ATP2C2: variants seen among roughly 807,000 people sequenced by gnomAD.
The protein encoded by ATP2C2 is ATPase secretory pathway Ca2+ transporting 2, also known as calcium-transporting ATPase type 2C member 2.
ATP2C2 carries 171 observed loss-of-function variants against 110.8 expected under a neutral mutation model. The observed-to-expected ratio is 1.54, with a 90% CI of 1.36 to 1.75. The LOEUF (loss-of-function observed/expected upper bound fraction) is 1.75, where lower values mean the gene tolerates loss of function less well. ATP2C2 is among the 40% of genes most tolerant of loss of function. The probability of loss-of-function intolerance (pLI) is 0.00; values close to 1 mark genes in which losing one functional copy is unlikely to be tolerated. For synonymous variants in ATP2C2, 804 were observed against 508.4 expected (o/e 1.58, Z -7.82); for missense variants, 1,963 against 1,235.0 (o/e 1.59, Z -8.84).
At chr16:84,386,197 T>G (rs574974600) in intron 1 of ATP2C2, among the ~76,000 whole-genome samples, 3 of 152,322 alleles carry the variant, frequency 2.0e-5, no homozygotes, top group African/African-American at 7.2e-5. Flanking sequence ...AAGCAAGATC[T>G]GGTAGTATGT....
chr16:84,419,592 G>A (rs975669026), intron 7 of ATP2C2, among the ~76,000 whole-genome samples: 4 of 152,044 alleles, frequency 2.6e-5, no homozygotes, highest in Non-Finnish European at 4.4e-5. Flanking sequence ...GCAGGGGGAC[G>A]TTACTCAGCA....
intron 9 of ATP2C2, 84 bp downstream of exon 9, chr16:84,422,781 C>T: frequency 2.2e-6 from 3 of 1,362,156 alleles, no homozygotes; most frequent in East Asian, 2.3e-5. Context: ...CTTGCCTACT[C>T]CTTAGGAATG....
At chr16:84,453,502 C>A in intron 20 of ATP2C2, 131 bp downstream of exon 20, 3 of 1,255,510 alleles carry the variant, frequency 2.4e-6, no homozygotes, top group Middle Eastern at 2.4e-4. Context: ...AGGTCCAGGG[C>A]AGCTGCCCCG....
intron 1 of ATP2C2, among the ~76,000 whole-genome samples, chr16:84,385,957 T>A (rs1904313292): frequency 6.6e-6 from 1 of 152,250 alleles, no homozygotes; most frequent in Non-Finnish European, 1.5e-5. Flanking sequence ...CTATGATTTG[T>A]TACTATCAAT....
intron 2 of ATP2C2, among the ~76,000 whole-genome samples, chr16:84,401,563 C>T (rs528738333): frequency 6.6e-6 from 1 of 152,168 alleles, no homozygotes; most frequent in Non-Finnish European, 1.5e-5. Flanking sequence ...TTTTGTTTTC[C>T]TGGTACCATT....
chr16:84,393,734 G>A (rs914469901), intron 1 of ATP2C2, among the ~76,000 whole-genome samples: 4 of 150,914 alleles, frequency 2.7e-5, no homozygotes, highest in African/African-American at 9.8e-5. Flanking sequence ...TGGATGGGAG[G>A]CTATGGGTGT....
intron 11 of ATP2C2, among the ~76,000 whole-genome samples, chr16:84,431,168 C>T (rs1201528565): frequency 1.3e-5 from 2 of 152,068 alleles, no homozygotes; most frequent in Non-Finnish European, 2.9e-5. Flanking sequence ...CTTATGAGTG[C>T]TACAAAGGAA....
chr16:84,430,675 C>T (rs1036222194), intron 11 of ATP2C2, among the ~76,000 whole-genome samples: 1 of 148,502 alleles, frequency 6.7e-6, no homozygotes, highest in African/African-American at 2.5e-5. Flanking sequence ...CTAGAATCTT[C>T]AAGGAATTGA....
chr16:84,370,539 C>T (rs1445840152), intron 1 of ATP2C2, among the ~76,000 whole-genome samples: 3 of 152,122 alleles, frequency 2.0e-5, no homozygotes, highest in African/African-American at 7.2e-5. Flanking sequence ...GCACTCACTT[C>T]CTGCCAGGTT....
chr16:84,401,246 C>T (rs1021426106), intron 2 of ATP2C2, among the ~76,000 whole-genome samples: 2 of 96,818 alleles, frequency 2.1e-5, no homozygotes, highest in Non-Finnish European at 4.0e-5. Flanking sequence ...TTTTTTGAGA[C>T]AGGGTCTCAC....
chr16:84,426,041 C>G (rs1429096570), intron 11 of ATP2C2: 4 of 424,600 alleles, frequency 9.4e-6, no homozygotes, highest in East Asian at 3.6e-5. Context: ...TTAGGCTGTT[C>G]TTGCATTGCT....
intron 7 of ATP2C2, among the ~76,000 whole-genome samples, chr16:84,419,065 C>T (rs1341962551): frequency 4.0e-5 from 6 of 151,798 alleles, no homozygotes; most frequent in South Asian, 4.2e-4. Flanking sequence ...AAAAATTAGC[C>T]AGGCGTGGTG....
intron 2 of ATP2C2, among the ~76,000 whole-genome samples, chr16:84,401,647 T>C (rs1457138715): frequency 6.6e-6 from 1 of 152,184 alleles, no homozygotes; most frequent in Non-Finnish European, 1.5e-5. Context: ...TGTAGATGTA[T>C]GGATTTATAT....
chr16:84,431,974 C>G (rs1292621931), intron 11 of ATP2C2, among the ~76,000 whole-genome samples: 1 of 152,092 alleles, frequency 6.6e-6, no homozygotes, highest in East Asian at 1.9e-4. Context: ...TGGAAGAGCA[C>G]CTGCAGAGGC....
At chr16:84,461,180 C>A (rs897637499) in intron 24 of ATP2C2, 16 of 256,710 alleles carry the variant, frequency 6.2e-5, no homozygotes, top group African/African-American at 3.6e-4. Context: ...TGGATCTAGG[C>A]CTGGGTCACC....
chr16:84,424,748 C>G (rs962660967), intron 10 of ATP2C2, among the ~76,000 whole-genome samples: 6 of 151,994 alleles, frequency 3.9e-5, no homozygotes, highest in African/African-American at 1.2e-4. Context: ...TCCCATGGTG[C>G]AAATACTCTC....
In ATP2C2 at chr16:84,425,793, C is replaced by G; in HGVS notation, c.978C>G (p.Ile326Met). 1 of 1,614,110 alleles carries G rather than the reference C, an allele frequency of 6.2e-7. No individual in the cohort carries two copies. The highest frequency in any genetic ancestry group is 8.5e-7 in the Non-Finnish European group (1 of 1,180,030). Reference protein sequence around the residue: ...QGKQLLSMFTIGVSLAVAAIP... With the variant: ...QGKQLLSMFTMGVSLAVAAIP... The stretch of plus-strand genomic sequence containing the variant: ...AACAACTCCTGAGTATGTTCACGAT[C>G]GGGGTCAGGTAAGAGTGCTATGGCC... The change falls in exon 11 of 27, where the codon ATC becomes ATG. Residue 326 changes from isoleucine to methionine, a missense_variant. Ile to Met is a conservative substitution (Grantham distance 10). Coordinates refer to ENST00000262429, the MANE Select transcript of ATP2C2 (RefSeq NM_014861.4).
At chr16:84,460,359 C>T (rs1911173746) in intron 23 of ATP2C2, 4 of 449,996 alleles carry the variant, frequency 8.9e-6, no homozygotes, top group South Asian at 2.4e-5. Flanking sequence ...GGGGGGGTCC[C>T]CTCGGGGTGA....
intron 15 of ATP2C2, 131 bp downstream of exon 15, chr16:84,442,730 CTG>C (rs892942992): frequency 5.5e-5 from 48 of 866,688 alleles, no homozygotes; most frequent in Middle Eastern, 3.5e-4. Context: ...ATGGCCCACA[CTG>C]GCCTTGGGCC....
Sources: allele counts gnomAD v4.1 joint callset (sites outside exome capture counted in the v4.1 genomes callset), GRCh38; gene constraint gnomAD v4.1.1; transcripts MANE v1.5; gene names NCBI Gene and HGNC (gene_info 2026-07-23, HGNC 2026-07-21).